Variants in NINJ2 observed in about 807,000 individuals in gnomAD.
The protein encoded by NINJ2 is ninjurin 2.
Under a neutral mutation model 11.7 loss-of-function variants are expected in NINJ2, and 12 were observed. That is an observed-to-expected ratio of 1.02 (90% confidence interval 0.66 to 1.66). The LOEUF is 1.66. NINJ2 is among the 40% of genes most tolerant of loss of function. NINJ2 has a pLI of 0.00. For missense variants in NINJ2, 187 were observed against 181.8 expected, an observed-to-expected ratio of 1.03 and a Z score of -0.16; for synonymous variants, 93 against 76.8, an observed-to-expected ratio of 1.21 and a Z score of -1.10.
At chr12:648,546 C>T (rs559038157) in intron 1 of NINJ2, among the ~76,000 whole-genome samples, 6 of 152,310 alleles carry the variant, frequency 3.9e-5, no homozygotes, top group East Asian at 1.9e-4. Flanking sequence ...AATGAATGGT[C>T]GTGTTCATGA....
At chr12:564,919 C>T (rs551740586) in intron 3 of NINJ2, among the ~76,000 whole-genome samples, 1 of 152,374 alleles carries the variant, frequency 6.6e-6, no homozygotes, top group African/African-American at 2.4e-5. Context: ...GAGAAATTCC[C>T]CATCTCCACC....
At chr12:572,078 C>A (rs903934415) in intron 1 of NINJ2, among the ~76,000 whole-genome samples, 1 of 152,232 alleles carries the variant, frequency 6.6e-6, no homozygotes, top group Non-Finnish European at 1.5e-5. Flanking sequence ...CAATCCGGGC[C>A]GGGAGCACTG....
intron 1 of NINJ2, among the ~76,000 whole-genome samples, chr12:650,877 A>G (rs552332373): frequency 6.6e-5 from 10 of 152,346 alleles, no homozygotes; most frequent in African/African-American, 2.4e-4. Flanking sequence ...TCTTGGATCC[A>G]AAAGAGTGGG....
intron 1 of NINJ2, among the ~76,000 whole-genome samples, chr12:646,660 C>A (rs1295584292): frequency 6.6e-6 from 1 of 152,152 alleles, no homozygotes; most frequent in Non-Finnish European, 1.5e-5. Flanking sequence ...ACTGGGCGGT[C>A]ACATTTCTAG....
chr12:634,265 C>CT (rs67797144), intron 1 of NINJ2, among the ~76,000 whole-genome samples: 18,369 of 59,416 alleles, frequency 0.31, 5,280 homozygotes, highest in Non-Finnish European at 0.38. Context: ...AGTTGCAGTT[C>CT]TTTTTTTTTT....
At chr12:599,393 C>T (rs1167327950) in intron 1 of NINJ2, among the ~76,000 whole-genome samples, 1 of 152,026 alleles carries the variant, frequency 6.6e-6, no homozygotes, top group Admixed American at 6.6e-5. Flanking sequence ...TTCCTCCCCC[C>T]GCCCCAGTTA....
At chr12:577,106 CGTAA>C (rs926113129) in intron 1 of NINJ2, among the ~76,000 whole-genome samples, 11 of 152,166 alleles carry the variant, frequency 7.2e-5, no homozygotes, top group Admixed American at 2.0e-4. Context: ...TTCGCACCAT[CGTAA>C]GTGATACACT....
chr12:595,241 G>C (rs1242492063), intron 1 of NINJ2, among the ~76,000 whole-genome samples: 2 of 152,130 alleles, frequency 1.3e-5, no homozygotes, highest in Non-Finnish European at 2.9e-5. Flanking sequence ...AAAACTCCTG[G>C]ACAGTAGCAT....
At chr12:596,018 G>A (rs1464915946) in intron 1 of NINJ2, among the ~76,000 whole-genome samples, 1 of 152,170 alleles carries the variant, frequency 6.6e-6, no homozygotes, top group Admixed American at 6.5e-5. Flanking sequence ...AATACCAAAT[G>A]CTGCAAGGAT....
intron 1 of NINJ2, among the ~76,000 whole-genome samples, chr12:648,704 C>T (rs1031435998): frequency 6.6e-6 from 1 of 152,178 alleles, no homozygotes; most frequent in Non-Finnish European, 1.5e-5. Flanking sequence ...ACCTGGAAGG[C>T]CTATTAGTCT....
At chr12:569,979 G>T (rs757215197) in intron 1 of NINJ2, among the ~76,000 whole-genome samples, 39 of 152,202 alleles carry the variant, frequency 2.6e-4, no homozygotes, top group Non-Finnish European at 4.7e-4. Context: ...CTGCCGGGGG[G>T]CGTTTCCACC....
chr12:643,348 G>C, intron 1 of NINJ2: 1 of 765,224 alleles, frequency 1.3e-6, no homozygotes, highest in Middle Eastern at 3.2e-4. Flanking sequence ...GGGTGGGGAG[G>C]GGAGGGTGGC....
chr12:596,784 C>T (rs577974466), intron 1 of NINJ2, among the ~76,000 whole-genome samples: 2 of 151,924 alleles, frequency 1.3e-5, no homozygotes, highest in South Asian at 2.1e-4. Flanking sequence ...ATTAGCCGGG[C>T]GTGGCGGCGT....
chr12:600,514 C>T (rs566459892), intron 1 of NINJ2, among the ~76,000 whole-genome samples: 1 of 152,082 alleles, frequency 6.6e-6, no homozygotes, highest in Non-Finnish European at 1.5e-5. Context: ...TGAGATCGAG[C>T]CACTGCACTC....
intron 1 of NINJ2, among the ~76,000 whole-genome samples, chr12:570,329 T>G (rs1947359913): frequency 6.6e-6 from 1 of 152,136 alleles, no homozygotes; most frequent in South Asian, 2.1e-4. Context: ...CCAGTTTAGG[T>G]GCAGCCCTGC....
At chr12:567,445 ATTTTG>A (rs1465381032) in intron 1 of NINJ2, among the ~76,000 whole-genome samples, 1 of 152,176 alleles carries the variant, frequency 6.6e-6, no homozygotes, top group African/African-American at 2.4e-5. Context: ...TTTACATTTG[ATTTTG>A]TTTTGAAGTA....
intron 1 of NINJ2, among the ~76,000 whole-genome samples, chr12:654,254 G>T (rs1937839225): frequency 6.6e-6 from 1 of 152,132 alleles, no homozygotes; most frequent in African/African-American, 2.4e-5. Flanking sequence ...GTCAGGCACG[G>T]TGGCTCACGC....
chr12:590,274 C>T lies in NINJ2; in HGVS notation c.34-24096G>A, dbSNP rs536291446. Among the ~76,000 whole-genome samples the T allele has an allele frequency of 7.2e-4, 110 of 152,172 alleles. 1 individual carries two copies. The highest frequency in any genetic ancestry group is 1.7e-3 in the South Asian group (8 of 4,814). On this transcript the variant is annotated intron_variant, in intron 1 of 3. Coordinates refer to ENST00000305108, the MANE Select transcript of NINJ2 (RefSeq NM_016533.6). ...AAGGATGGGCTGGAGCGGAGAGCCA[C>T]GCGCGGGAGCCCTGCTGGAGGTCTG... is the stretch of plus-strand genomic sequence containing the variant.
intron 1 of NINJ2, among the ~76,000 whole-genome samples, chr12:609,596 C>T (rs12826888): frequency 0.25 from 37,296 of 151,502 alleles, 4,768 homozygotes; most frequent in Middle Eastern, 0.35. Context: ...GGTGAAACCC[C>T]GTCTCTACTA....
Sources: gnomAD v4.1 joint callset for allele counts (sites outside exome capture counted in the v4.1 genomes callset) on GRCh38, gnomAD v4.1.1 for gene constraint, MANE v1.5 for transcripts, NCBI Gene and HGNC (gene_info 2026-07-23, HGNC 2026-07-21) for gene names.